The following EDA variants were observed in gnomAD, a reference collection of about 807,000 sequenced individuals.
EDA encodes the protein ectodysplasin A, also known as ectodysplasin-A.
EDA carries 2 observed loss-of-function variants against 23.6 expected under a neutral mutation model. The observed-to-expected ratio is 0.08, with a 90% CI of 0.03 to 0.27. The LOEUF is 0.27. EDA is among the 10% of genes least tolerant of loss of function. EDA has a pLI of 1.00. For synonymous variants in EDA, 131 were observed against 132.0 expected, an observed-to-expected ratio of 0.99 and a Z score of 0.05; for missense variants, 229 against 324.2, an observed-to-expected ratio of 0.71 and a Z score of 2.26.
At chrX:70,029,423 C>T (rs2020167986) in intron 4 of EDA, 81 bp from the exon 5 acceptor site, 1 of 1,099,582 alleles carries the variant, frequency 9.1e-7, no homozygotes, top group East Asian at 3.0e-5. Context: ...GGGAGCATGG[C>T]TCACCACCAC....
At chrX:69,828,457 G>A (rs1360392935) in intron 1 of EDA, among the ~76,000 whole-genome samples, 1 of 111,809 alleles carries the variant, frequency 8.9e-6, no homozygotes, top group Non-Finnish European at 1.9e-5. Flanking sequence ...GGAGTGACCC[G>A]ATTTTCCAGG....
At chrX:69,762,329 T>A (rs2014333026) in intron 1 of EDA, among the ~76,000 whole-genome samples, 1 of 112,161 alleles carries the variant, frequency 8.9e-6, no homozygotes, top group Admixed American at 9.5e-5. Context: ...ATTTTCTTTG[T>A]TCTCCAGTAA....
At chrX:69,777,038 CA>C (rs1019862063) in intron 1 of EDA, among the ~76,000 whole-genome samples, 9 of 109,090 alleles carry the variant, frequency 8.3e-5, no homozygotes, top group African/African-American at 3.0e-4. Context: ...TTGACCTCCT[CA>C]AAAAAAAATA....
At chrX:69,850,124 A>G (rs1487664106) in intron 1 of EDA, among the ~76,000 whole-genome samples, 3 of 112,247 alleles carry the variant, frequency 2.7e-5, no homozygotes, top group South Asian at 7.5e-4. Context: ...TTTATAATCA[A>G]TATTAATTGT....
intron 1 of EDA, among the ~76,000 whole-genome samples, chrX:69,713,042 A>G (rs955101619): frequency 8.2e-5 from 7 of 84,853 alleles, no homozygotes; most frequent in African/African-American, 3.2e-4. Context: ...GAAGGGGAAC[A>G]TCACACACCG....
chrX:69,777,144 T>TTGTTGTTGTTGTTG (rs374930096), intron 1 of EDA, among the ~76,000 whole-genome samples: 1,086 of 106,829 alleles, frequency 0.01, 8 homozygotes, highest in Middle Eastern at 0.024. Flanking sequence ...GATTCTGGGT[T>TTGTTGTTGTTGTTG]TTGTTGTTGT....
At chrX:70,026,152 A>G (rs2020104039) in intron 3 of EDA, among the ~76,000 whole-genome samples, 1 of 112,414 alleles carries the variant, frequency 8.9e-6, no homozygotes. Flanking sequence ...AGGTGAAGAC[A>G]TTGTGATGAA....
At chrX:69,935,115 C>A (rs183395459) in intron 1 of EDA, among the ~76,000 whole-genome samples, 1 of 112,116 alleles carries the variant, frequency 8.9e-6, no homozygotes, top group Non-Finnish European at 1.9e-5. Flanking sequence ...TTGCAAATGA[C>A]AGTATCTCAT....
At chrX:69,883,353 C>T (rs2017779241) in intron 1 of EDA, among the ~76,000 whole-genome samples, 1 of 112,021 alleles carries the variant, frequency 8.9e-6, no homozygotes, top group Non-Finnish European at 1.9e-5. Flanking sequence ...TTTCTCAGAT[C>T]AGGAACTCGT....
chrX:69,726,428 A>C (rs1216462785), intron 1 of EDA, among the ~76,000 whole-genome samples: 5 of 112,343 alleles, frequency 4.5e-5, no homozygotes, highest in Non-Finnish European at 9.4e-5. Context: ...TGGAGCTTTG[A>C]ATCAGCTCAA....
chrX:69,664,510 T>A (rs1933614579), intron 1 of EDA, among the ~76,000 whole-genome samples: 1 of 112,145 alleles, frequency 8.9e-6, no homozygotes, highest in African/African-American at 3.2e-5. Context: ...TTACTCGTCC[T>A]TATGTCTTTA....
chrX:69,656,639 C>T (rs1373141133), intron 1 of EDA, among the ~76,000 whole-genome samples: 1 of 111,207 alleles, frequency 9.0e-6, no homozygotes, highest in Non-Finnish European at 1.9e-5. Flanking sequence ...TTTTCAACCC[C>T]TGCGCTCCTC....
rs1294240550 is a variant in EDA, at chrX:69,847,862, T to C, written c.397-109165T>C. On this transcript the variant is annotated intron_variant, in intron 1 of 7. Transcript: ENST00000374552. ...CATATGATAATGTGATAATACCTAG[T>C]ACTGGGTCATATGATAAGTCTATTT... 8.9e-5 allele frequency among the ~76,000 whole-genome samples: 10 copies of C among 111,848 alleles called. No homozygotes were observed. In the Admixed American group the frequency reaches 9.5e-4, roughly 11 times the overall value.
intron 1 of EDA, among the ~76,000 whole-genome samples, chrX:69,691,997 A>C (rs2147298742): frequency 9.0e-6 from 1 of 111,490 alleles, no homozygotes; most frequent in South Asian, 3.8e-4. Flanking sequence ...CTTGCCAGTA[A>C]CTTGAGGAAA....
intron 1 of EDA, among the ~76,000 whole-genome samples, chrX:69,824,600 T>A (rs1354205805): frequency 2.9e-5 from 3 of 104,849 alleles, no homozygotes; most frequent in African/African-American, 1.0e-4. Flanking sequence ...GATTTTGGGC[T>A]GAGACAATGG....
chrX:69,738,525 T>C (rs1169710923), intron 1 of EDA, among the ~76,000 whole-genome samples: 2 of 107,587 alleles, frequency 1.9e-5, no homozygotes, highest in East Asian at 5.9e-4. Flanking sequence ...TATTAATTCC[T>C]TTCTTCTGCT....
intron 2 of EDA, among the ~76,000 whole-genome samples, chrX:70,011,606 T>G (rs188928825): frequency 1.7e-3 from 186 of 111,687 alleles, no homozygotes; most frequent in Non-Finnish European, 2.6e-3. Context: ...AAATGTTTTA[T>G]TTTACCGTCA....
intron 1 of EDA, among the ~76,000 whole-genome samples, chrX:69,711,909 A>G (rs5980662): frequency 0.2 from 21,499 of 110,077 alleles, 1,645 homozygotes; most frequent in African/African-American, 0.24. Flanking sequence ...TCTTGCTAGC[A>G]GTCTATCAAT....
chrX:69,827,470 C>T (rs999737890), intron 1 of EDA, among the ~76,000 whole-genome samples: 6 of 110,967 alleles, frequency 5.4e-5, no homozygotes, highest in African/African-American at 2.0e-4. Flanking sequence ...TCACTGATAC[C>T]CTTTCTTCCA....
Sources: gnomAD v4.1 joint callset for allele counts (sites outside exome capture counted in the v4.1 genomes callset) on GRCh38, gnomAD v4.1.1 for gene constraint, MANE v1.5 for transcripts, NCBI Gene and HGNC (gene_info 2026-07-23, HGNC 2026-07-21) for gene names.